OXTR: variants seen among roughly 807,000 people sequenced by gnomAD.
OXTR encodes oxytocin receptor.
Under a neutral mutation model 23.9 loss-of-function variants are expected in OXTR, and 19 were observed. That is an observed-to-expected ratio of 0.80 (90% CI 0.56 to 1.17). OXTR has a LOEUF of 1.17. Ranked by LOEUF, OXTR falls within the 50% of genes most tolerant of loss-of-function variation. The pLI, the probability that OXTR is intolerant of heterozygous loss-of-function variation, is 0.00. For missense variants in OXTR, 500 were observed against 550.7 expected (o/e 0.91, Z 0.92); for synonymous variants, 278 against 250.5 (o/e 1.11, Z -1.04).
chr3:8,767,867 C>T lies in OXTR; in HGVS notation c.321G>A (p.Gly107=). Residue 107 remains glycine, a synonymous_variant, in exon 3 of 4, where the codon GGG becomes GGA. Transcript: ENST00000316793. ...LLWDITFRFY[G]PDLLCRLVKY... ...TGACCAGGCGGCACAGCAGGTCGGGCCCGTAGAAGCGGAAGGTGATGTCCC... is the reference window on the plus strand; with the variant it reads ...TGACCAGGCGGCACAGCAGGTCGGGTCCGTAGAAGCGGAAGGTGATGTCCC... The T allele has an allele frequency of 1.2e-6, 2 of 1,613,342 alleles. No homozygotes were observed. Among genetic ancestry groups the T allele is most frequent in the Non-Finnish European group, 1.7e-6 (2 of 1,179,738 alleles).
chr3:8,744,518 G>A, the OXTR span, among the ~76,000 whole-genome samples: 116 of 141,168 alleles, frequency 8.2e-4, no homozygotes, highest in African/African-American at 3.0e-3. Flanking sequence ...GGATTTTACA[G>A]CCTCCCATCC....
rs547238576 is a variant in OXTR at position 8,767,740 on chromosome 3, G to T, written c.448C>A (p.Arg150Ser). 40 of 1,609,434 alleles carry T rather than the reference G, an allele frequency of 2.5e-5. No individual in the cohort carries two copies. The East Asian group carries it at 6.9e-4, about 28-fold the overall frequency. Residue 150 changes from arginine to serine, a missense_variant, in exon 3 of 4, where the codon CGC becomes AGC. Coordinates refer to ENST00000316793, the MANE Select transcript of OXTR (RefSeq NM_000916.4). ...AGCACTGCCAGGCGGTCGGTGCGGC[G>T]GCGCAGCGAGCGCAGCGGCTGGCAG... is the stretch of plus-strand genomic sequence containing the variant. ...AICQPLRSLRRRTDRLAVLAT... is the reference protein window; with the variant it reads ...AICQPLRSLRSRTDRLAVLAT...
intron 3 of OXTR, among the ~76,000 whole-genome samples, chr3:8,763,251 C>G (rs1436849389): frequency 6.6e-6 from 1 of 152,188 alleles, no homozygotes; most frequent in Admixed American, 6.5e-5. Context: ...TCTTGTCCAT[C>G]AGGAAGGGGC....
At chr3:8,766,036 T>C (rs753350127) in intron 3 of OXTR, among the ~76,000 whole-genome samples, 2 of 152,184 alleles carry the variant, frequency 1.3e-5, no homozygotes, top group Non-Finnish European at 2.9e-5. Context: ...TTGGGAGCAG[T>C]AGTAACTGCA....
chr3:8,762,214 A>C (rs1301134357), intron 3 of OXTR, among the ~76,000 whole-genome samples: 1 of 150,884 alleles, frequency 6.6e-6, no homozygotes, highest in East Asian at 2.0e-4. Flanking sequence ...TCCCCTCCTC[A>C]CCCCTCCCGA....
the OXTR span, among the ~76,000 whole-genome samples, chr3:8,742,185 T>G: frequency 6.6e-6 from 1 of 152,062 alleles, no homozygotes; most frequent in Non-Finnish European, 1.5e-5. Flanking sequence ...GCCAAAGCTC[T>G]CTCAATGCTC....
At chr3:8,745,907 T>C, downstream of OXTR, 1 of 1,537,398 alleles carries the variant, frequency 6.5e-7, no homozygotes, top group Non-Finnish European at 8.9e-7. This position sits in a 1 kb window ranked among gnomAD's most constrained non-coding sequence, Gnocchi z 4.8. Context: ...CAGGGGGTGG[T>C]GGGCCAGACT....
intron 3 of OXTR, among the ~76,000 whole-genome samples, chr3:8,761,284 C>T (rs192838076): frequency 1.8e-4 from 27 of 152,292 alleles, no homozygotes; most frequent in Non-Finnish European, 3.5e-4. Context: ...TGGCACTGAA[C>T]CCAGAATGCT....
intron 3 of OXTR, among the ~76,000 whole-genome samples, chr3:8,759,974 C>A (rs959305627): frequency 7.2e-5 from 11 of 152,190 alleles, no homozygotes; most frequent in Non-Finnish European, 1.3e-4. Context: ...ACTGGCCTCC[C>A]GCCTCCTCCA....
chr3:8,745,748 G>A (rs921802744), downstream of OXTR: 8 of 1,614,096 alleles, frequency 5.0e-6, no homozygotes, highest in South Asian at 2.2e-5. This position sits in a 1 kb window ranked among gnomAD's most constrained non-coding sequence, Gnocchi z 4.8. Context: ...CTACCTGATC[G>A]AGATCCAGTG....
chr3:8,768,432 A>T lies in OXTR; in HGVS notation c.-143+64T>A. The T allele has an allele frequency of 2.0e-6, 1 of 490,398 alleles. No individual in the cohort carries two copies. Among genetic ancestry groups the T allele is most frequent in the Non-Finnish European group, 3.1e-6 (1 of 325,672 alleles). 30.4% of individuals were successfully genotyped at this position (490,398 alleles called of 1,614,324 possible). ...CCAGGAACCCAACTCATCTGAAACA[A>T]CAGGGCACAACCGCCGGCCTCGGGT... On this transcript the variant is annotated intron_variant, in intron 2 of 3. Transcript: ENST00000316793. The surrounding 1 kb of genome is among the most constrained non-coding windows in gnomAD (Gnocchi z 5.4).
chr3:8,757,216 A>T (rs1316478532), intron 3 of OXTR, among the ~76,000 whole-genome samples: 2 of 152,102 alleles, frequency 1.3e-5, no homozygotes, highest in African/African-American at 4.8e-5. Context: ...TGAAAAAAAA[A>T]TTAAAGATCG....
Position 8,768,371 on chromosome 3 carries a change from C to G in OXTR, c.-142-42G>C. On this transcript the variant is annotated intron_variant, in intron 2 of 3. Transcript: ENST00000316793. The surrounding 1 kb of genome is among the most constrained non-coding windows in gnomAD (Gnocchi z 5.4). ...GGGCCGTGAGGAGACCGCCGCGTTT[C>G]TCTTCCGACGCGGGTAGGGCGTGCT... 1 of 964,112 alleles carries G rather than the reference C, an allele frequency of 1.0e-6. No homozygotes were observed. The highest frequency in any genetic ancestry group is 1.3e-6 in the Non-Finnish European group (1 of 751,600). The allele number at this position is 964,112 out of a possible 1,614,324, so 59.7% of individuals were successfully genotyped here. A position where few individuals can be genotyped will look rare whatever the true frequency, so the allele number is the denominator to read the frequency against.
At chr3:8,760,501 G>A (rs977663604) in intron 3 of OXTR, among the ~76,000 whole-genome samples, 31 of 152,240 alleles carry the variant, frequency 2.0e-4, no homozygotes, top group African/African-American at 7.2e-4. Flanking sequence ...GTTTTTTGGA[G>A]TGAATGACTT....
Position 8,767,912 on chromosome 3 carries a change from C to G in OXTR, c.276G>C (p.Gln92His). 1.2e-6 allele frequency: 2 copies of G among 1,613,688 alleles called. No individual in the cohort carries two copies. The highest frequency in any genetic ancestry group is 8.5e-7 in the Non-Finnish European group (1 of 1,179,866). ...SIADLVVAVF[Q>H]VLPQLLWDIT... ...TGTCCCACAGCAACTGCGGCAGCAC[C>G]TGAAACACTGCCACCACCAGGTCGG... The change falls in exon 3 of 4, where the codon CAG becomes CAC. Residue 92 changes from glutamine to histidine, a missense_variant. Transcript: ENST00000316793.
At chr3:8,745,502 G>A (rs759373627), downstream of OXTR, 52 of 1,593,904 alleles carry the variant, frequency 3.3e-5, no homozygotes, top group Middle Eastern at 1.7e-4. The surrounding 1 kb of genome is among the most constrained non-coding windows in gnomAD (Gnocchi z 4.8). Context: ...TGTGAGTTGA[G>A]GCTTCCCCTT....
At chr3:8,747,154 G>A (rs1378984162), downstream of OXTR, among the ~76,000 whole-genome samples, 1 of 151,850 alleles carries the variant, frequency 6.6e-6, no homozygotes, top group Non-Finnish European at 1.5e-5. Context: ...GCCTGGCCAC[G>A]AGCCCAGTGG....
chr3:8,768,179 G>T lies in OXTR; in HGVS notation c.9C>A (p.Gly3=). 1.5e-6 allele frequency: 2 copies of T among 1,323,004 alleles called. No individual in the cohort carries two copies. Among genetic ancestry groups the T allele is most frequent in the Non-Finnish European group, 1.9e-6 (2 of 1,045,400 alleles). The allele number at this position is 1,323,004 out of a possible 1,614,324, so 82.0% of individuals were successfully genotyped here. The change falls in exon 3 of 4, where the codon GGC becomes GGA. Residue 3 remains glycine (G), a synonymous_variant. Coordinates refer to ENST00000316793, the MANE Select transcript of OXTR (RefSeq NM_000916.4). The surrounding 1 kb of genome is among the most constrained non-coding windows in gnomAD (Gnocchi z 5.4). ...CGGCGCTCCAGTTGGCTGCGAGCGCGCCCTCCATGACCCTGGCGGCAGCGG... is the reference window on the plus strand; with the variant it reads ...CGGCGCTCCAGTTGGCTGCGAGCGCTCCCTCCATGACCCTGGCGGCAGCGG... ME[G]ALAANWSAEA...
chr3:8,747,794 A>G (rs1708196301), downstream of OXTR, among the ~76,000 whole-genome samples: 1 of 152,208 alleles, frequency 6.6e-6, no homozygotes, highest in South Asian at 2.1e-4. Flanking sequence ...TGAAATCACG[A>G]GGCCATCCAT....
Sources: gnomAD v4.1 joint callset for allele counts (sites outside exome capture counted in the v4.1 genomes callset) on GRCh38, gnomAD v4.1.1 for gene constraint, Gnocchi (gnomAD v3.1) non-coding constraint, MANE v1.5 for transcripts, NCBI Gene and HGNC (gene_info 2026-07-23, HGNC 2026-07-21) for gene names.